Variants in CMC1 observed in about 807,000 individuals in gnomAD.
CMC1 encodes the protein C-X9-C motif containing 1.
CMC1 carries 14 observed loss-of-function variants against 14.1 expected under a neutral mutation model. The ratio of observed to expected loss-of-function variants is 0.99; its 90% CI spans 0.66 to 1.55. The LOEUF (loss-of-function observed/expected upper bound fraction) is 1.55, where lower values mean the gene tolerates loss of function less well. CMC1 is among the 40% of genes most tolerant of loss of function. The pLI is 0.00. For synonymous variants in CMC1, 50 were observed against 38.4 expected (o/e 1.30, Z -1.12); for missense variants, 127 against 123.8 (o/e 1.03, Z -0.12).
At chr3:28,249,452 A>G (rs12498078) in intron 1 of CMC1, among the ~76,000 whole-genome samples, 57,828 of 152,132 alleles carry the variant, frequency 0.38, 11,513 homozygotes, top group East Asian at 0.54. Context: ...TATTTACCAT[A>G]TGCTAGGAGT....
chr3:28,299,128 A>G (rs766089685), intron 2 of CMC1, among the ~76,000 whole-genome samples: 1 of 152,086 alleles, frequency 6.6e-6, no homozygotes, highest in Non-Finnish European at 1.5e-5. Context: ...ACTTTACTCC[A>G]TCTCTGTGTT....
rs569217788 is a variant in CMC1 at position 28,324,015 on chromosome 3, A to C, written c.*4386A>C. The C allele has an allele frequency of 6.4e-7, 1 of 1,571,944 alleles. No homozygotes were observed. Among genetic ancestry groups the C allele is most frequent in the East Asian group, 2.3e-5 (1 of 44,372 alleles). Reference sequence around the variant, plus strand: ...ACCACTGAAAGAGATAAGTGTCCTCATGGTGAAATCGTGAATCTCTTCCAA... The same window carrying C: ...ACCACTGAAAGAGATAAGTGTCCTCCTGGTGAAATCGTGAATCTCTTCCAA... On this transcript the variant is annotated 3_prime_UTR_variant, in exon 4 of 4. Transcript: ENST00000466830.
At chr3:28,277,190 T>C (rs1700627377) in intron 2 of CMC1, among the ~76,000 whole-genome samples, 1 of 152,134 alleles carries the variant, frequency 6.6e-6, no homozygotes, top group Admixed American at 6.5e-5. Flanking sequence ...TAAATAAAGG[T>C]GATAGAGATT....
chr3:28,241,748 G>T lies in CMC1; in HGVS notation c.-46G>T. The T allele has an allele frequency of 8.1e-7, 1 of 1,241,728 alleles. No individual in the cohort carries two copies. The allele number at this position is 1,241,728 out of a possible 1,614,324, so 76.9% of individuals were successfully genotyped here. A position where few individuals can be genotyped will look rare whatever the true frequency, so the allele number is the denominator to read the frequency against. ...CCCTCCCCTCCACTCCCCTTCCTGC[G>T]TGCCCCGGAGCCGCCAAGCGGCTAC... is the stretch of plus-strand genomic sequence containing the variant. On this transcript the variant is annotated 5_prime_UTR_variant, in exon 1 of 4. Transcript: ENST00000466830.
chr3:28,244,673 C>A (rs1249829816), intron 1 of CMC1, among the ~76,000 whole-genome samples: 1 of 151,936 alleles, frequency 6.6e-6, no homozygotes, highest in Non-Finnish European at 1.5e-5. Flanking sequence ...TTGCAGTGAG[C>A]CGAGGTTGCG....
At chr3:28,264,093 T>C (rs1307450255) in intron 2 of CMC1, among the ~76,000 whole-genome samples, 1 of 152,192 alleles carries the variant, frequency 6.6e-6, no homozygotes, top group African/African-American at 2.4e-5. Context: ...AATATTACTT[T>C]AGAAATATCT....
At position 28,322,986 on chromosome 3, in the gene CMC1, CCTT is replaced by C. The variant is rs1257103803; in HGVS notation, c.*3361_*3363del. 6.6e-6 allele frequency: 1 copy of C among 150,468 alleles called. No individual in the cohort carries two copies. The highest frequency in any genetic ancestry group is 6.7e-5 in the Admixed American group (1 of 14,988). The allele number at this position is 150,468 out of a possible 1,614,324, so 9.3% of individuals were successfully genotyped here. On this transcript the variant is annotated 3_prime_UTR_variant, in exon 4 of 4. Transcript: ENST00000466830. ...TTTCCATGTGAAGCCATCTTTATTT[CCTT>C]CTTTATTTCCAAATAATTGGCCACT... is the stretch of plus-strand genomic sequence containing the variant.
In CMC1 at chr3:28,322,134, GA is replaced by G. The variant is rs1453941619; in HGVS notation, c.*2507del. The G allele has an allele frequency of 1.3e-5, 2 of 151,158 alleles. No individual in the cohort carries two copies. The highest frequency in any genetic ancestry group is 2.4e-5 in the African/African-American group (1 of 41,304). The allele number at this position is 151,158 out of a possible 1,614,324, so 9.4% of individuals were successfully genotyped here. A position where few individuals can be genotyped will look rare whatever the true frequency, so the allele number is the denominator to read the frequency against. On this transcript the variant is annotated 3_prime_UTR_variant, in exon 4 of 4. Coordinates refer to ENST00000466830, the MANE Select transcript of CMC1 (RefSeq NM_182523.2). The stretch of plus-strand genomic sequence containing the variant: ...TTTTGGCTAATCTTTCCTTACTAAA[GA>G]ACCTTATACATCATTTGTCTAACAC...
intron 2 of CMC1, among the ~76,000 whole-genome samples, chr3:28,266,279 A>C (rs1577007470): frequency 6.6e-6 from 1 of 152,210 alleles, no homozygotes; most frequent in South Asian, 2.1e-4. Flanking sequence ...ATACTTCTAA[A>C]ATTTAATTTT....
At chr3:28,265,565 C>T (rs1287316216) in intron 2 of CMC1, among the ~76,000 whole-genome samples, 1 of 150,544 alleles carries the variant, frequency 6.6e-6, no homozygotes. Context: ...AGTGATCTGA[C>T]TTTCTGCTAA....
chr3:28,276,982 A>C (rs1053898015), intron 2 of CMC1, among the ~76,000 whole-genome samples: 1 of 152,180 alleles, frequency 6.6e-6, no homozygotes, highest in Non-Finnish European at 1.5e-5. Flanking sequence ...ACATGACAGC[A>C]ATGTGTGATT....
At chr3:28,299,867 G>A (rs1439490848) in intron 2 of CMC1, among the ~76,000 whole-genome samples, 1 of 152,090 alleles carries the variant, frequency 6.6e-6, no homozygotes, top group African/African-American at 2.4e-5. Flanking sequence ...AATGTGGCAT[G>A]GGCTTTTCAT....
intron 1 of CMC1, among the ~76,000 whole-genome samples, chr3:28,243,847 C>A (rs548714759): frequency 1.3e-5 from 2 of 152,220 alleles, no homozygotes; most frequent in African/African-American, 4.8e-5. Flanking sequence ...CACATACACA[C>A]ACACATTTTT....
At chr3:28,283,176 T>C (rs1700983248) in intron 2 of CMC1, among the ~76,000 whole-genome samples, 2 of 152,138 alleles carry the variant, frequency 1.3e-5, no homozygotes, top group Admixed American at 1.3e-4. Flanking sequence ...GGTAATTGAC[T>C]AGCTTTAGGT....
At chr3:28,256,726 A>G (rs1248674682) in intron 1 of CMC1, among the ~76,000 whole-genome samples, 1 of 152,230 alleles carries the variant, frequency 6.6e-6, no homozygotes, top group Non-Finnish European at 1.5e-5. Flanking sequence ...AAACACCGAC[A>G]TGGTGACAAC....
At chr3:28,275,345 T>C (rs1226558699) in intron 2 of CMC1, among the ~76,000 whole-genome samples, 1 of 145,700 alleles carries the variant, frequency 6.9e-6, no homozygotes, top group African/African-American at 2.6e-5. Context: ...TTTTTTCTTT[T>C]TTTTTTTTTT....
At chr3:28,314,481 G>A (rs116664762) in intron 2 of CMC1, among the ~76,000 whole-genome samples, 9 of 152,290 alleles carry the variant, frequency 5.9e-5, no homozygotes, top group Non-Finnish European at 7.4e-5. Flanking sequence ...ACTTGATTAC[G>A]TTTAGAGTCT....
At chr3:28,313,524 T>TA (rs1702744547) in intron 2 of CMC1, among the ~76,000 whole-genome samples, 1 of 152,226 alleles carries the variant, frequency 6.6e-6, no homozygotes, top group Non-Finnish European at 1.5e-5. Context: ...GGAAATCAGT[T>TA]GGCAGTATTA....
intron 2 of CMC1, among the ~76,000 whole-genome samples, chr3:28,301,598 T>G (rs1213703497): frequency 6.6e-6 from 1 of 151,970 alleles, no homozygotes; most frequent in Admixed American, 6.6e-5. Flanking sequence ...TGCGATCGAA[T>G]TTGGAGAATT....
Sources: gnomAD v4.1 joint callset for allele counts (sites outside exome capture counted in the v4.1 genomes callset) on GRCh38, gnomAD v4.1.1 for gene constraint, MANE v1.5 for transcripts, NCBI Gene and HGNC (gene_info 2026-07-23, HGNC 2026-07-21) for gene names.